The following OGG1 variants were observed in gnomAD, a reference collection of about 807,000 sequenced individuals.
OGG1 encodes N-glycosylase/DNA lyase.
In OGG1, 35 loss-of-function variants were observed where a neutral mutation model predicts 42.3. The observed-to-expected ratio is 0.83, with a 90% CI of 0.63 to 1.10. The LOEUF is 1.10. Ranked by LOEUF, OGG1 falls within the 50% of genes least tolerant of loss-of-function variation. The probability of loss-of-function intolerance (pLI) is 0.00; values close to 1 mark genes in which losing one functional copy is unlikely to be tolerated. For synonymous variants in OGG1, 189 were observed against 179.0 expected, an observed-to-expected ratio of 1.06 and a Z score of -0.44; for missense variants, 484 against 446.7, an observed-to-expected ratio of 1.08 and a Z score of -0.75.
downstream of OGG1, chr3:9,759,025 G>A (rs2077720116): frequency 1.4e-6 from 1 of 692,204 alleles, no homozygotes; most frequent in Admixed American, 2.0e-5. Context: ...TGTGGCATAT[G>A]AGGCCCTAAG....
intron 2 of OGG1, among the ~76,000 whole-genome samples, chr3:9,772,317 G>A (rs780848912): frequency 6.6e-6 from 1 of 152,076 alleles, no homozygotes; most frequent in Non-Finnish European, 1.5e-5. Flanking sequence ...AGATTCTTTC[G>A]CTTCCCAAGT....
At chr3:9,767,824 CTCTG>C (rs138333313), downstream of OGG1, 2,160 of 1,587,396 alleles carry the variant, frequency 1.4e-3, 22 homozygotes, top group African/African-American at 0.025. Flanking sequence ...GAGCCCAGCC[CTCTG>C]TCTGGGAATT....
chr3:9,761,635 G>A (rs145978414), downstream of OGG1: 32 of 1,614,070 alleles, frequency 2.0e-5, no homozygotes, highest in Admixed American at 3.3e-5. Context: ...CCGCACCCAC[G>A]TATCCCGGAG....
chr3:9,751,610 T>C (rs1332217618), intron 2 of OGG1, among the ~76,000 whole-genome samples, 160 bp from the exon 3 acceptor site: 2 of 152,182 alleles, frequency 1.3e-5, no homozygotes, highest in Non-Finnish European at 2.9e-5. Context: ...CAAGATGCTA[T>C]GAGGAATGAG....
downstream of OGG1, chr3:9,761,672 C>T: frequency 2.5e-6 from 4 of 1,614,156 alleles, no homozygotes; most frequent in Non-Finnish European, 3.4e-6. Context: ...GAGCACACTG[C>T]CCGGGTCCTC....
rs756052627 is a variant in OGG1 at position 9,750,387 on chromosome 3, G to A, written c.101G>A (p.Arg34His). 1 of 1,613,902 alleles carries A rather than the reference G, an allele frequency of 6.2e-7. No homozygotes were observed. The highest frequency in any genetic ancestry group is 1.3e-5 in the African/African-American group (1 of 74,920). The change falls in exon 1 of 7, where the codon CGC becomes CAC. Residue 34 changes from arginine to histidine, a missense_variant. Physicochemically the swap from Arg to His is conservative, Grantham distance 29. Coordinates refer to ENST00000344629, the MANE Select transcript of OGG1 (RefSeq NM_002542.6). The part of the protein sequence containing the change: ...ASIPCPRSEL[R>H]LDLVLPSGQS... ...ATCCCGTGCCCTCGCTCTGAGCTGC[G>A]CCTGGACCTGGTTCTGCCTTCTGGA...
At chr3:9,768,099 C>A (rs1452134045), downstream of OGG1, among the ~76,000 whole-genome samples, 1 of 152,096 alleles carries the variant, frequency 6.6e-6, no homozygotes, top group Non-Finnish European at 1.5e-5. Context: ...TCTGGCAGTA[C>A]AACAGATAAA....
At chr3:9,787,649 A>G in intron 3 of OGG1, 3 of 1,381,548 alleles carry the variant, frequency 2.2e-6, no homozygotes, top group East Asian at 3.6e-5. Flanking sequence ...GAGAATTAGG[A>G]GCCTTCAGGT....
intron 1 of OGG1, 180 bp from the exon 2 acceptor site, chr3:9,750,765 A>T: frequency 1.2e-6 from 1 of 805,404 alleles, no homozygotes; most frequent in Non-Finnish European, 2.0e-6. Flanking sequence ...GGTGTGCGCC[A>T]TGCCCGGTTA....
intron 3 of OGG1, among the ~76,000 whole-genome samples, chr3:9,781,953 A>C (rs898525577): frequency 2.0e-5 from 3 of 148,220 alleles, no homozygotes; most frequent in African/African-American, 7.6e-5. Context: ...ATCCTCCCAC[A>C]TCAGCCTCCT....
chr3:9,769,033 C>T (rs1431350288), downstream of OGG1, among the ~76,000 whole-genome samples: 5 of 152,058 alleles, frequency 3.3e-5, no homozygotes, highest in African/African-American at 9.7e-5. Context: ...ACTCAAACAC[C>T]TGCCTCCCAG....
downstream of OGG1, chr3:9,769,836 G>A (rs578210841): frequency 1.3e-5 from 2 of 152,376 alleles, no homozygotes; most frequent in East Asian, 1.9e-4. Context: ...CTGTACCTGC[G>A]GCTGCCCCGC....
chr3:9,761,341 T>TGGAAGGAAGGGAGGGAG (rs544188374), downstream of OGG1: 1 of 984,584 alleles, frequency 1.0e-6, no homozygotes, highest in Non-Finnish European at 1.5e-6. Context: ...AATTGATTGG[T>TGGAAGGAAGGGAGGGAG]GGAAGGAAGG....
chr3:9,780,656 GA>G (rs1317255268), intron 2 of OGG1: 19 of 1,201,240 alleles, frequency 1.6e-5, no homozygotes, highest in Non-Finnish European at 2.2e-5. Context: ...CATGCCTGTG[GA>G]TTGTGTCATA....
At chr3:9,759,250 C>T, downstream of OGG1, 1 of 1,614,152 alleles carries the variant, frequency 6.2e-7, no homozygotes, top group Non-Finnish European at 8.5e-7. Flanking sequence ...TCAGATGCCT[C>T]CTGAAGAATT....
At chr3:9,777,347 A>G (rs114233421) in intron 2 of OGG1, among the ~76,000 whole-genome samples, 1 of 152,088 alleles carries the variant, frequency 6.6e-6, no homozygotes, top group African/African-American at 2.4e-5. Context: ...CTTCCTCCAC[A>G]CTCATAAAGG....
At chr3:9,752,071 CCTGCCTGGTCTGATCAA>C (rs774606334) in intron 3 of OGG1, 122 bp downstream of exon 3, 1,012 of 883,290 alleles carry the variant, frequency 1.1e-3, no homozygotes, top group Non-Finnish European at 1.7e-3. Flanking sequence ...CCAGAACCGC[CCTGCCTGGTCTGATCAA>C]CTCCAGTTAC....
intron 7 of OGG1, chr3:9,763,280 GA>G: frequency 1.2e-6 from 2 of 1,600,598 alleles, no homozygotes; most frequent in Non-Finnish European, 1.7e-6. Flanking sequence ...AGCTACTTGG[GA>G]ACTTGGGAGG....
At chr3:9,780,539 C>G in intron 2 of OGG1, 1 of 1,602,044 alleles carries the variant, frequency 6.2e-7, no homozygotes, top group Non-Finnish European at 8.5e-7. Flanking sequence ...CTCACCTCCT[C>G]CTTTGCCAGC....
Sources: allele counts gnomAD v4.1 joint callset (sites outside exome capture counted in the v4.1 genomes callset), GRCh38; gene constraint gnomAD v4.1.1; transcripts MANE v1.5; gene names NCBI Gene and HGNC (gene_info 2026-07-23, HGNC 2026-07-21).